CES5A: variants seen among roughly 807,000 people sequenced by gnomAD.
CES5A encodes carboxylesterase 5.
In CES5A, 67 loss-of-function variants were observed where a neutral mutation model predicts 62.9. The ratio of observed to expected loss-of-function variants is 1.07; its 90% CI spans 0.88 to 1.31. CES5A has a LOEUF of 1.31. CES5A is among the 50% of genes most tolerant of loss of function. CES5A has a pLI of 0.00. For synonymous variants in CES5A, 296 were observed against 280.8 expected, an observed-to-expected ratio of 1.05 and a Z score of -0.54; for missense variants, 748 against 708.5, an observed-to-expected ratio of 1.06 and a Z score of -0.63.
At chr16:55,892,044 C>T (rs575282780) in intron 1 of CES5A, among the ~76,000 whole-genome samples, 1 of 152,114 alleles carries the variant, frequency 6.6e-6, no homozygotes, top group Non-Finnish European at 1.5e-5. Context: ...AACTGAAAGT[C>T]TAGCACCTTT....
At position 55,852,081 on chromosome 16, in the gene CES5A, C is replaced by G. The variant is rs562784741; in HGVS notation, c.1273+800G>C. ...GGTGGGGAGTTATTTTTAATAGGTA[C>G]TGATTTTCAGTTTGGGATGATAAAA... On this transcript the variant is annotated intron_variant, in intron 10 of 12. Transcript: ENST00000290567. 3.3e-5 allele frequency among the ~76,000 whole-genome samples: 5 copies of G among 152,166 alleles called. No homozygotes were observed. The South Asian group carries it at 1.0e-3, about 32-fold the overall frequency.
At chr16:55,938,407 C>T (rs567565765) in intron 2 of CES5A, among the ~76,000 whole-genome samples, 1 of 151,916 alleles carries the variant, frequency 6.6e-6, no homozygotes, top group East Asian at 1.9e-4. Flanking sequence ...GGGGATGCTG[C>T]CCTAGGGCTT....
chr16:55,886,327 A>G (rs11861878), intron 1 of CES5A, among the ~76,000 whole-genome samples: 7,764 of 152,320 alleles, frequency 0.051, 325 homozygotes, highest in African/African-American at 0.12. Flanking sequence ...AGTGACAGAT[A>G]GGATCCTAAA....
At position 55,924,319 on chromosome 16, in the gene CES5A, C is replaced by T. The variant is rs140652701; in HGVS notation, c.-256+1004G>A. Among the ~76,000 whole-genome samples, 593 of 152,002 alleles carry T rather than the reference C, an allele frequency of 3.9e-3. 5 individuals are homozygous for T. Among genetic ancestry groups the T allele is most frequent in the African/African-American group, 0.013 (543 of 41,556 alleles). ...GAGATCAAGAAAGCAATCCCATTTA[C>T]ATTAGCTACAAAGAATATAAAATAC... is the stretch of plus-strand genomic sequence containing the variant. On this transcript the variant is annotated intron_variant, in intron 1 of 12. Transcript: ENST00000518005.
intron 1 of CES5A, among the ~76,000 whole-genome samples, chr16:55,905,670 T>C (rs2034033914): frequency 6.6e-6 from 1 of 152,002 alleles, no homozygotes; most frequent in African/African-American, 2.4e-5. Context: ...CTAAATCTGA[T>C]TTTTAACGTG....
chr16:55,948,058 A>AAAAAAAG (rs771887258), intron 2 of CES5A, among the ~76,000 whole-genome samples: 63 of 152,272 alleles, frequency 4.1e-4, no homozygotes, highest in African/African-American at 1.2e-3. Flanking sequence ...TATAAACCAA[A>AAAAAAAG]AAAAAAGAAA....
In CES5A at chr16:55,865,985, C is replaced by T; in HGVS notation, c.683G>A (p.Gly228Glu). The T allele has an allele frequency of 6.2e-7, 1 of 1,614,226 alleles. No individual in the cohort carries two copies. Among genetic ancestry groups the T allele is most frequent in the Non-Finnish European group, 8.5e-7 (1 of 1,180,044 alleles). ...SSVTIFGESA[G>E]AISVSSLILS... ...CACAAGACTAGAAACACTTATGGCT[C>T]CCGCGGACTCGCCAAAGATGGTCAC... The change falls in exon 5 of 13, where the codon GGA (glycine) becomes GAA (glutamate). Residue 228 changes from glycine (G) to glutamate (E), a missense_variant. Transcript: ENST00000290567.
In CES5A at chr16:55,871,717, T is replaced by A; in HGVS notation, c.325A>T (p.Lys109Ter). Residue 109 changes from lysine to a stop codon, truncating the protein, a stop_gained, in exon 3 of 13, where the codon AAG (lysine) becomes TAG (stop). Coordinates refer to ENST00000290567, the MANE Select transcript of CES5A (RefSeq NM_001143685.2). LOFTEE classifies it high-confidence loss of function. ...ACTCCGAATTTCGGGTAATGCACCT[T>A]GAGCATATGTTGATCTAAGAGCAGC... ...EWLLLDQHML[K>*]VHYPKFGVSE... 6.2e-7 allele frequency: 1 copy of A among 1,614,114 alleles called. No homozygotes were observed. Among genetic ancestry groups the A allele is most frequent in the South Asian group, 1.1e-5 (1 of 91,078 alleles).
At chr16:55,917,423 G>C (rs1335207597) in intron 1 of CES5A, among the ~76,000 whole-genome samples, 4 of 152,188 alleles carry the variant, frequency 2.6e-5, no homozygotes, top group African/African-American at 9.6e-5. Context: ...CTGTTGGCTG[G>C]AGCTGCAGTC....
At chr16:55,923,521 A>G (rs1374404879) in intron 1 of CES5A, among the ~76,000 whole-genome samples, 4 of 151,938 alleles carry the variant, frequency 2.6e-5, no homozygotes, top group African/African-American at 9.7e-5. Context: ...TCAAAGCCAT[A>G]ATAAAATGTC....
intron 7 of CES5A, among the ~76,000 whole-genome samples, chr16:55,861,061 T>G (rs1282330239): frequency 1.3e-5 from 2 of 152,168 alleles, no homozygotes; most frequent in African/African-American, 4.8e-5. Flanking sequence ...TACACAAAAC[T>G]AAAATGACTT....
At chr16:55,912,117 A>G (rs536578443) in intron 1 of CES5A, among the ~76,000 whole-genome samples, 5 of 152,040 alleles carry the variant, frequency 3.3e-5, no homozygotes, top group Non-Finnish European at 5.9e-5. Flanking sequence ...ATGTATTCTC[A>G]TGGGCCTGAC....
At chr16:55,954,414 C>T (rs1379012449) in intron 1 of CES5A, among the ~76,000 whole-genome samples, 1 of 152,190 alleles carries the variant, frequency 6.6e-6, no homozygotes, top group Admixed American at 6.5e-5. Context: ...CATAGTCGGT[C>T]CTGACCGAGG....
At chr16:55,858,165 T>C (rs1330289037) in intron 8 of CES5A, among the ~76,000 whole-genome samples, 8 of 152,126 alleles carry the variant, frequency 5.3e-5, no homozygotes, top group African/African-American at 1.9e-4. Flanking sequence ...ACCACTGCAC[T>C]CCAGCCTCAG....
chr16:55,902,564 A>T (rs553290621), intron 1 of CES5A, among the ~76,000 whole-genome samples: 6 of 152,280 alleles, frequency 3.9e-5, no homozygotes, highest in African/African-American at 1.4e-4. Flanking sequence ...GTCCTGACCT[A>T]CATCCTGTGA....
upstream of CES5A, chr16:55,875,420 A>G (rs1192834127): frequency 1.1e-5 from 14 of 1,300,050 alleles, no homozygotes; most frequent in Non-Finnish European, 1.2e-5. Flanking sequence ...TCTGATTTAC[A>G]TAAGAAGCTG....
upstream of CES5A, among the ~76,000 whole-genome samples, chr16:55,926,005 A>G (rs547647397): frequency 1.3e-5 from 2 of 152,266 alleles, no homozygotes; most frequent in East Asian, 3.8e-4. Flanking sequence ...AAGTTGATTA[A>G]TAAGTACAAA....
At position 55,873,964 on chromosome 16, in the gene CES5A, T is replaced by C; in HGVS notation, c.147A>G (p.Gly49=). The stretch of plus-strand genomic sequence containing the variant: ...GGAACACGTTCACAGGCACAGGGCT[T>C]CCCAGCACAGTGACTTGCTTGCCCT... ...WIQGKQVTVL[G]SPVPVNVFLG... is the part of the protein sequence containing the mutation. Residue 49 remains glycine (G), a synonymous_variant, in exon 2 of 13, where the codon GGA becomes GGG. Coordinates refer to ENST00000290567, the MANE Select transcript of CES5A (RefSeq NM_001143685.2). The C allele has an allele frequency of 6.2e-7, 1 of 1,613,248 alleles. No homozygotes were observed. The highest frequency in any genetic ancestry group is 1.7e-4 in the Middle Eastern group (1 of 6,036).
intron 1 of CES5A, among the ~76,000 whole-genome samples, chr16:55,884,576 C>A (rs2033795127): frequency 6.6e-6 from 1 of 150,940 alleles, no homozygotes; most frequent in Non-Finnish European, 1.5e-5. Flanking sequence ...AGGGCCACCC[C>A]ACAACCACCA....
Sources: gnomAD v4.1 joint callset for allele counts (sites outside exome capture counted in the v4.1 genomes callset) on GRCh38, gnomAD v4.1.1 for gene constraint, MANE v1.5 for transcripts, NCBI Gene and HGNC (gene_info 2026-07-23, HGNC 2026-07-21) for gene names.